Variants in TAFA5 observed in about 807,000 individuals in gnomAD.
TAFA5 encodes TAFA chemokine like family member 5, also known as chemokine-like protein TAFA-5.
A neutral mutation model predicts 15.3 loss-of-function variants in TAFA5; 6 were observed. The ratio of observed to expected loss-of-function variants is 0.39; its 90% CI spans 0.21 to 0.77. The LOEUF (loss-of-function observed/expected upper bound fraction) is 0.77, where lower values mean the gene tolerates loss of function less well. Ranked by LOEUF, TAFA5 falls within the 30% of genes least tolerant of loss-of-function variation. The probability of loss-of-function intolerance (pLI) is 0.41; values close to 1 mark genes in which losing one functional copy is unlikely to be tolerated. For missense variants in TAFA5, 161 were observed against 193.1 expected (o/e 0.83, Z 0.98); for synonymous variants, 103 against 80.7 (o/e 1.28, Z -1.48).
chr22:48,494,923 G>A (rs554666312), intron 1 of TAFA5, among the ~76,000 whole-genome samples: 1 of 152,356 alleles, frequency 6.6e-6, no homozygotes, highest in South Asian at 2.1e-4. Flanking sequence ...ATGGCTGGCA[G>A]GAATCGGGTG....
At chr22:48,749,719 G>C (rs987413564) in intron 3 of TAFA5, 120 bp from the exon 4 acceptor site, 2 of 1,130,492 alleles carry the variant, frequency 1.8e-6, no homozygotes, top group East Asian at 2.6e-5. Context: ...TGAGCTCTTC[G>C]TTTCAGGCCC....
intron 1 of TAFA5, among the ~76,000 whole-genome samples, chr22:48,500,228 C>T (rs1237574470): frequency 1.3e-5 from 2 of 152,146 alleles, no homozygotes; most frequent in Non-Finnish European, 2.9e-5. Flanking sequence ...GACTCCAAGG[C>T]CCCATAATGC....
chr22:48,649,711 C>T (rs572033117), intron 2 of TAFA5, among the ~76,000 whole-genome samples: 9 of 152,154 alleles, frequency 5.9e-5, no homozygotes, highest in African/African-American at 1.2e-4. Context: ...TATCTGGAGC[C>T]ACTGGAACAC....
intron 1 of TAFA5, among the ~76,000 whole-genome samples, chr22:48,538,221 C>G (rs779615085): frequency 6.6e-6 from 1 of 151,514 alleles, no homozygotes; most frequent in East Asian, 2.0e-4. Context: ...TACCGAAAGT[C>G]GCTGCCAGCT....
intron 2 of TAFA5, among the ~76,000 whole-genome samples, chr22:48,663,641 A>C (rs1927519440): frequency 6.6e-6 from 1 of 152,242 alleles, no homozygotes; most frequent in South Asian, 2.1e-4. Context: ...TTCCAGAAAT[A>C]AGTAATTTGT....
chr22:48,523,727 C>T (rs1285653507), intron 1 of TAFA5, among the ~76,000 whole-genome samples: 2 of 152,354 alleles, frequency 1.3e-5, no homozygotes, highest in East Asian at 3.9e-4. Context: ...ACCCCTATTC[C>T]TGGGCAGCCC....
intron 1 of TAFA5, among the ~76,000 whole-genome samples, chr22:48,581,999 C>A (rs959345311): frequency 1.3e-5 from 2 of 152,118 alleles, no homozygotes; most frequent in Non-Finnish European, 2.9e-5. Context: ...GGACTGTTCG[C>A]TCACACACGC....
chr22:48,508,403 GTT>G (rs2147100013), intron 1 of TAFA5, among the ~76,000 whole-genome samples: 1 of 152,318 alleles, frequency 6.6e-6, no homozygotes, highest in Non-Finnish European at 1.5e-5. Context: ...AGTGTTGGGA[GTT>G]TGGAAGTAAG....
At chr22:48,693,306 G>C (rs558612722) in intron 2 of TAFA5, 1 of 1,608,248 alleles carries the variant, frequency 6.2e-7, no homozygotes, top group Admixed American at 1.7e-5. Flanking sequence ...TTTGCCCTAA[G>C]AGAGTAATTG....
intron 2 of TAFA5, among the ~76,000 whole-genome samples, chr22:48,706,894 G>A (rs1281298384): frequency 6.6e-6 from 1 of 152,228 alleles, no homozygotes; most frequent in Non-Finnish European, 1.5e-5. Flanking sequence ...CTGGTGGAGA[G>A]TAATCTCCAG....
chr22:48,677,068 A>G (rs1272944030), intron 2 of TAFA5, among the ~76,000 whole-genome samples: 3 of 152,240 alleles, frequency 2.0e-5, no homozygotes, highest in African/African-American at 7.2e-5. Flanking sequence ...ACCACCCCAG[A>G]GCCACCCATA....
At chr22:48,494,522 T>C (rs1402372281) in intron 1 of TAFA5, among the ~76,000 whole-genome samples, 5 of 152,172 alleles carry the variant, frequency 3.3e-5, no homozygotes, top group African/African-American at 1.2e-4. Context: ...CTTGAGGCTG[T>C]GTCAGGGGCC....
At chr22:48,572,863 T>C (rs890753027) in intron 1 of TAFA5, among the ~76,000 whole-genome samples, 2 of 152,252 alleles carry the variant, frequency 1.3e-5, no homozygotes, top group African/African-American at 4.8e-5. Context: ...AGCTGTAATG[T>C]GATATGAAAA....
At chr22:48,531,003 T>G (rs1003070970) in intron 1 of TAFA5, among the ~76,000 whole-genome samples, 18 of 151,832 alleles carry the variant, frequency 1.2e-4, no homozygotes, top group African/African-American at 4.4e-4. Flanking sequence ...CTGGCCACAC[T>G]CACAGACATG....
At chr22:48,614,374 A>G (rs1925522445) in intron 1 of TAFA5, among the ~76,000 whole-genome samples, 1 of 152,240 alleles carries the variant, frequency 6.6e-6, no homozygotes, top group Non-Finnish European at 1.5e-5. Context: ...ATGTTGATAC[A>G]CAGACGTTTA....
intron 1 of TAFA5, among the ~76,000 whole-genome samples, chr22:48,635,842 A>G (rs1244494811): frequency 1.3e-5 from 2 of 152,174 alleles, no homozygotes; most frequent in African/African-American, 4.8e-5. Context: ...AGCCCCAGTC[A>G]TTGTTGTAAT....
At chr22:48,583,394 A>G (rs947747470) in intron 1 of TAFA5, among the ~76,000 whole-genome samples, 1 of 150,060 alleles carries the variant, frequency 6.7e-6, no homozygotes, top group Non-Finnish European at 1.5e-5. Flanking sequence ...AAAATACACC[A>G]CACACCACAC....
chr22:48,521,806 G>T (rs771324296), intron 1 of TAFA5, among the ~76,000 whole-genome samples: 15 of 152,190 alleles, frequency 9.9e-5, no homozygotes, highest in Non-Finnish European at 1.6e-4. Flanking sequence ...TGCTGTTGAG[G>T]TTCCTTAGCA....
intron 3 of TAFA5, among the ~76,000 whole-genome samples, chr22:48,718,894 G>A (rs549180397): frequency 2.0e-5 from 3 of 152,244 alleles, no homozygotes; most frequent in East Asian, 1.9e-4. Context: ...CATGTGACAA[G>A]GTGGCCCCTG....
Sources: gnomAD v4.1 joint callset for allele counts (sites outside exome capture counted in the v4.1 genomes callset) on GRCh38, gnomAD v4.1.1 for gene constraint, MANE v1.5 for transcripts, NCBI Gene and HGNC (gene_info 2026-07-23, HGNC 2026-07-21) for gene names.